SGMS1: variants seen among roughly 807,000 people sequenced by gnomAD.
The protein encoded by SGMS1 is sphingomyelin synthase 1.
A neutral mutation model predicts 46.2 loss-of-function variants in SGMS1; 13 were observed. The observed-to-expected ratio is 0.28, with a 90% CI of 0.18 to 0.45. The LOEUF (loss-of-function observed/expected upper bound fraction) is 0.45, where lower values mean the gene tolerates loss of function less well. Among genes scored for constraint, SGMS1 ranks in the 20% least tolerant of loss-of-function variants. SGMS1 has a pLI of 1.00. For synonymous variants in SGMS1, 203 were observed against 187.8 expected, an observed-to-expected ratio of 1.08 and a Z score of -0.66; for missense variants, 324 against 519.9, an observed-to-expected ratio of 0.62 and a Z score of 3.66.
intron 2 of SGMS1, among the ~76,000 whole-genome samples, chr10:50,532,225 CTGTGT>C (rs1463623337): frequency 7.7e-6 from 1 of 130,516 alleles, no homozygotes; most frequent in Non-Finnish European, 1.6e-5. Context: ...CTGAATGAGA[CTGTGT>C]GTGTGTGTGT....
chr10:50,486,429 A>G (rs1159912845), intron 3 of SGMS1, among the ~76,000 whole-genome samples: 1 of 152,238 alleles, frequency 6.6e-6, no homozygotes, highest in Non-Finnish European at 1.5e-5. Context: ...ACAAAGATCT[A>G]ATAACCAGAG....
chr10:50,591,543 G>A (rs1838541039), intron 1 of SGMS1, among the ~76,000 whole-genome samples: 1 of 151,950 alleles, frequency 6.6e-6, no homozygotes, highest in Admixed American at 6.6e-5. Flanking sequence ...TACTTCTCTT[G>A]TAGACACAAT....
chr10:50,554,619 C>T (rs774479771), intron 2 of SGMS1, among the ~76,000 whole-genome samples: 1 of 152,178 alleles, frequency 6.6e-6, no homozygotes, highest in Non-Finnish European at 1.5e-5. Flanking sequence ...CCAATGCAGG[C>T]ACCGAGAAGG....
chr10:50,322,757 G>A (rs956092604), intron 8 of SGMS1, among the ~76,000 whole-genome samples: 26 of 150,502 alleles, frequency 1.7e-4, no homozygotes, highest in Admixed American at 1.1e-3. Flanking sequence ...GCGTGAACCC[G>A]GGAAGCGGAG....
intron 8 of SGMS1, among the ~76,000 whole-genome samples, chr10:50,325,078 A>T (rs1016277550): frequency 5.9e-5 from 9 of 152,218 alleles, no homozygotes; most frequent in African/African-American, 2.2e-4. Context: ...ATGGTTTTGT[A>T]CTAAAATGTT....
chr10:50,542,822 G>A (rs7916397), intron 2 of SGMS1, among the ~76,000 whole-genome samples: 43,798 of 146,952 alleles, frequency 0.3, 7,493 homozygotes, highest in East Asian at 0.64. Flanking sequence ...CATTCCTGCA[G>A]GGTTTTTTTG....
At chr10:50,490,323 T>A (rs1837556880) in intron 3 of SGMS1, among the ~76,000 whole-genome samples, 1 of 152,180 alleles carries the variant, frequency 6.6e-6, no homozygotes, top group Non-Finnish European at 1.5e-5. Flanking sequence ...TGATATAGTA[T>A]AAGGGTAAAA....
intron 1 of SGMS1, among the ~76,000 whole-genome samples, chr10:50,616,317 G>A (rs1838796928): frequency 1.3e-5 from 2 of 149,706 alleles, no homozygotes; most frequent in African/African-American, 5.1e-5. Context: ...TATTTATTTA[G>A]TAGAGACAGG....
chr10:50,446,157 C>T (rs1027405922), intron 5 of SGMS1, among the ~76,000 whole-genome samples: 18 of 152,078 alleles, frequency 1.2e-4, no homozygotes, highest in Admixed American at 5.9e-4. Context: ...AATTTTGCCC[C>T]GGTCCTCTGA....
At chr10:50,389,031 A>G (rs1848726516) in intron 6 of SGMS1, among the ~76,000 whole-genome samples, 1 of 152,232 alleles carries the variant, frequency 6.6e-6, no homozygotes, top group Non-Finnish European at 1.5e-5. Flanking sequence ...TGAGTAACAT[A>G]TGAAATGATA....
chr10:50,328,080 T>A (rs1429788461), intron 7 of SGMS1: 1 of 390,152 alleles, frequency 2.6e-6, no homozygotes, highest in Admixed American at 3.7e-5. Context: ...TATTATTAGG[T>A]TCTAACAAAA....
chr10:50,616,240 C>T (rs542250051), intron 1 of SGMS1, among the ~76,000 whole-genome samples: 25 of 152,224 alleles, frequency 1.6e-4, no homozygotes, highest in South Asian at 1.0e-3. Flanking sequence ...TCAGCCCCCC[C>T]GCCCCAAGTA....
intron 6 of SGMS1, among the ~76,000 whole-genome samples, chr10:50,352,583 T>C (rs1848039743): frequency 6.6e-6 from 1 of 152,204 alleles, no homozygotes; most frequent in South Asian, 2.1e-4. Context: ...GTTTTAGAGA[T>C]AAGTAAACTA....
chr10:50,336,388 G>C (rs904263246), intron 7 of SGMS1, among the ~76,000 whole-genome samples: 9 of 152,134 alleles, frequency 5.9e-5, no homozygotes, highest in African/African-American at 2.2e-4. Context: ...GACTGAAGTT[G>C]GTAGCAAAGG....
intron 7 of SGMS1, chr10:50,342,301 T>A (rs1389821137): frequency 6.6e-6 from 1 of 152,200 alleles, no homozygotes; most frequent in Non-Finnish European, 1.5e-5. Flanking sequence ...AAAAACGTCT[T>A]CCACCAAATT....
In SGMS1 at chr10:50,623,949, C is replaced by A; in HGVS notation, c.-926G>T. The A allele has an allele frequency of 4.1e-6, 4 of 986,028 alleles. No homozygotes were observed. Among genetic ancestry groups the A allele is most frequent in the Non-Finnish European group, 4.8e-6 (4 of 830,448 alleles). 61.1% of individuals were successfully genotyped at this position (986,028 alleles called of 1,614,324 possible). A position where few individuals can be genotyped will look rare whatever the true frequency, so the allele number is the denominator to read the frequency against. ...GCTTTCGACTTGCCACCGCGAGCCT[C>A]CCGGGCTGCCGAGCATGCCCAGTCC... is the stretch of plus-strand genomic sequence containing the variant. On this transcript the variant is annotated 5_prime_UTR_variant, in exon 1 of 11. Coordinates refer to ENST00000361781, the MANE Select transcript of SGMS1 (RefSeq NM_147156.4).
chr10:50,524,579 A>C (rs938862114), intron 2 of SGMS1, among the ~76,000 whole-genome samples: 2 of 152,214 alleles, frequency 1.3e-5, no homozygotes, highest in Admixed American at 1.3e-4. Flanking sequence ...TATGCTAAGC[A>C]TGGATGGGCA....
intron 1 of SGMS1, among the ~76,000 whole-genome samples, chr10:50,617,481 G>C (rs530842585): frequency 1.3e-5 from 2 of 152,236 alleles, no homozygotes; most frequent in Non-Finnish European, 2.9e-5. Context: ...TATCTTCACT[G>C]TGATGGTTTC....
At chr10:50,506,583 C>A (rs960006070) in intron 3 of SGMS1, among the ~76,000 whole-genome samples, 2 of 152,176 alleles carry the variant, frequency 1.3e-5, no homozygotes. Flanking sequence ...GAATCCTACA[C>A]TAAAAGGGAA....
Sources: allele counts gnomAD v4.1 joint callset (sites outside exome capture counted in the v4.1 genomes callset), GRCh38; gene constraint gnomAD v4.1.1; transcripts MANE v1.5; gene names NCBI Gene and HGNC (gene_info 2026-07-23, HGNC 2026-07-21).